The following CROCC2 variants were observed in gnomAD, a reference collection of about 807,000 sequenced individuals.
CROCC2 encodes ciliary rootlet coiled-coil protein 2.
Under a neutral mutation model 177.6 loss-of-function variants are expected in CROCC2, and 163 were observed. The ratio of observed to expected loss-of-function variants is 0.92; its 90% CI spans 0.81 to 1.05. CROCC2 has a LOEUF of 1.05. Ranked by LOEUF, CROCC2 falls within the 50% of genes least tolerant of loss-of-function variation. The pLI is 0.00. For missense variants in CROCC2, 1,929 were observed against 1,797.8 expected (o/e 1.07, Z -1.32); for synonymous variants, 904 against 787.3 (o/e 1.15, Z -2.48).
intron 5 of CROCC2, chr2:240,929,743 T>G: frequency 6.5e-6 from 3 of 461,602 alleles, no homozygotes; most frequent in Non-Finnish European, 1.3e-5. Flanking sequence ...TCCTCTTCCA[T>G]TGGAGTGGCA....
At chr2:240,938,780 T>A (rs2059482607) in intron 14 of CROCC2, among the ~76,000 whole-genome samples, 1 of 152,230 alleles carries the variant, frequency 6.6e-6, no homozygotes, top group South Asian at 2.1e-4. Context: ...TTCTTCCACA[T>A]CTTTGATTAG....
chr2:240,911,233 A>G (rs2059286221), intron 1 of CROCC2, among the ~76,000 whole-genome samples: 1 of 151,500 alleles, frequency 6.6e-6, no homozygotes, highest in Non-Finnish European at 1.5e-5. Flanking sequence ...TTTTAGGAAC[A>G]ATTCTGTGGC....
intron 30 of CROCC2, 79 bp downstream of exon 30, chr2:240,989,912 G>A: frequency 1.4e-6 from 2 of 1,379,330 alleles, no homozygotes; most frequent in Non-Finnish European, 1.9e-6. Context: ...CACCCAGTAG[G>A]GGTGACTTCT....
chr2:240,992,217 G>A (rs1286295820), intron 31 of CROCC2, among the ~76,000 whole-genome samples: 1 of 152,196 alleles, frequency 6.6e-6, no homozygotes, highest in Non-Finnish European at 1.5e-5. Flanking sequence ...AGGGCCGCAT[G>A]CTTTATAGGT....
chr2:240,913,665 AC>A, intron 1 of CROCC2, among the ~76,000 whole-genome samples: 1 of 152,378 alleles, frequency 6.6e-6, no homozygotes, highest in South Asian at 2.1e-4. Flanking sequence ...GCAAACTGAC[AC>A]CCACAGAGGC....
Position 240,982,871 on chromosome 2 carries a change from T to C in CROCC2, c.4402-9T>C, listed in dbSNP as rs1559191445. The C allele has an allele frequency of 6.5e-7, 1 of 1,544,080 alleles. No homozygotes were observed. Among genetic ancestry groups the C allele is most frequent in the East Asian group, 2.5e-5 (1 of 40,722 alleles). ...TCTCCAGGTGGACCCTGTGTCTCCT[T>C]CCCCCCAGGAGCAACTGGAAACGCT... On this transcript the variant is annotated splice_polypyrimidine_tract_variant and intron_variant, in intron 27 of 31. Transcript: ENST00000690015. This position sits in a 1 kb window ranked among gnomAD's most constrained non-coding sequence, Gnocchi z 4.7.
At position 240,946,134 on chromosome 2, in the gene CROCC2, T is replaced by C; in HGVS notation, c.2244T>C (p.Thr748=). 2 of 1,547,300 alleles carry C rather than the reference T, an allele frequency of 1.3e-6. No homozygotes were observed. Among genetic ancestry groups the C allele is most frequent in the Non-Finnish European group, 1.7e-6 (2 of 1,144,286 alleles). The change falls in exon 15 of 32, where the codon ACT becomes ACC. Residue 748 remains threonine, a synonymous_variant. Transcript: ENST00000690015. ...SLQDQEAQMG[T]LQQALQGKDA... is the part of the protein sequence containing the mutation. ...AGGACCAGGAGGCCCAGATGGGCACTCTGCAGCAAGCCCTGCAAGGAAAGG... is the reference window on the plus strand; with the variant it reads ...AGGACCAGGAGGCCCAGATGGGCACCCTGCAGCAAGCCCTGCAAGGAAAGG...
chr2:240,914,652 C>T (rs2059307745), intron 1 of CROCC2, among the ~76,000 whole-genome samples: 3 of 152,192 alleles, frequency 2.0e-5, no homozygotes, highest in Admixed American at 6.5e-5. Context: ...ACCCTTCACT[C>T]GGGGGTCCAC....
chr2:240,948,323 A>G (rs1051671972), intron 15 of CROCC2, among the ~76,000 whole-genome samples: 1 of 151,996 alleles, frequency 6.6e-6, no homozygotes, highest in Non-Finnish European at 1.5e-5. Flanking sequence ...CGGTGGCCAG[A>G]AAGATGGAAG....
intron 15 of CROCC2, among the ~76,000 whole-genome samples, chr2:240,946,662 T>C (rs531512502): frequency 2.6e-4 from 40 of 152,214 alleles, no homozygotes; most frequent in Non-Finnish European, 5.4e-4. Context: ...TGAGATCTTT[T>C]TCCCAGGCAG....
Position 240,982,837 on chromosome 2 carries a change from C to A in CROCC2, c.4402-43C>A, listed in dbSNP as rs955891324. 3 of 1,521,746 alleles carry A rather than the reference C, an allele frequency of 2.0e-6. No individual in the cohort carries two copies. Among genetic ancestry groups the A allele is most frequent in the African/African-American group, 1.4e-5 (1 of 72,390 alleles). The allele number at this position is 1,521,746 out of a possible 1,614,324, so 94.3% of individuals were successfully genotyped here. On this transcript the variant is annotated intron_variant, in intron 27 of 31. Transcript: ENST00000690015. This position sits in a 1 kb window ranked among gnomAD's most constrained non-coding sequence, Gnocchi z 4.7. ...CAGGGTTTCCCTGCAGGGCCTCCCA[C>A]CCCCAGTGTCTCCAGGTGGACCCTG...
chr2:240,964,746 A>G lies in CROCC2; in HGVS notation c.3465+121A>G, dbSNP rs560446675. The G allele has an allele frequency of 7.1e-6, 9 of 1,266,128 alleles. No individual in the cohort carries two copies. The African/African-American group carries it at 7.5e-5, about 11-fold the overall frequency. The allele number at this position is 1,266,128 out of a possible 1,614,324, so 78.4% of individuals were successfully genotyped here. A position where few individuals can be genotyped will look rare whatever the true frequency, so the allele number is the denominator to read the frequency against. On this transcript the variant is annotated intron_variant, in intron 22 of 31. Transcript: ENST00000690015. ...GCCGCCTTTGAACCACTCTGTCCCC[A>G]GACTTTGGGCCACGCCCTGCTCAGG...
Position 240,972,351 on chromosome 2 carries a change from G to A in CROCC2, c.4401+4089G>A, listed in dbSNP as rs530761698. On this transcript the variant is annotated intron_variant, in intron 27 of 31. Transcript: ENST00000690015. The surrounding 1 kb of genome is among the most constrained non-coding windows in gnomAD (Gnocchi z 7.1). ...CGGAGCTGTTCTGTTCCTGAAGTGG[G>A]CGGGGTGGGAGCGGCGCTCTCCGGT... Among the ~76,000 whole-genome samples the A allele has an allele frequency of 2.0e-5, 3 of 152,132 alleles. No individual in the cohort carries two copies. The highest frequency in any genetic ancestry group is 7.2e-5 in the African/African-American group (3 of 41,408).
At chr2:240,983,492 G>C (rs1420997817) in intron 28 of CROCC2, 3 of 1,241,962 alleles carry the variant, frequency 2.4e-6, no homozygotes, top group Non-Finnish European at 3.1e-6. Context: ...GGAGAGGCGC[G>C]TCCTGCAGGA....
In CROCC2 at chr2:240,990,570, G is replaced by GTGTTT. The variant is rs368000484; in HGVS notation, c.4864-600_4864-596dup. Among the ~76,000 whole-genome samples, 1,130 of 152,090 alleles carry GTGTTT rather than the reference G, an allele frequency of 7.4e-3. 7 individuals are homozygous for GTGTTT. Among genetic ancestry groups the GTGTTT allele is most frequent in the Middle Eastern group, 0.024 (7 of 294 alleles). ...TTTATTTATTTCCTTATCATTCTGA[G>GTGTTT]TGTTTTGTTTTGTTTTGTTTTGTTT... On this transcript the variant is annotated intron_variant, in intron 30 of 31. Transcript: ENST00000690015.
In CROCC2 at chr2:240,960,986, T is replaced by C. The variant is rs7591322; in HGVS notation, c.3087+1542T>C. 0.68 allele frequency among the ~76,000 whole-genome samples: 100,130 copies of C among 147,716 alleles called. 34,637 individuals carry two copies. The highest frequency in any genetic ancestry group is 0.81 in the African/African-American group (32,397 of 40,062). On this transcript the variant is annotated intron_variant, in intron 20 of 31. Transcript: ENST00000690015. The surrounding 1 kb of genome is among the most constrained non-coding windows in gnomAD (Gnocchi z 5.0). ...GTTCTGCTGGCCTCAAGGAAGGGAG[T>C]GCAGGCCTCATGGGAAGGTCAGGCT...
In CROCC2 at chr2:240,916,501, C is replaced by T. The variant is rs1261717436; in HGVS notation, c.79-2225C>T. Among the ~76,000 whole-genome samples, 11 of 107,338 alleles carry T rather than the reference C, an allele frequency of 1.0e-4. No homozygotes were observed. In the South Asian group the frequency reaches 2.5e-3, roughly 24 times the overall value. 70.4% of individuals were successfully genotyped at this position (107,338 alleles called of 152,430 possible). On this transcript the variant is annotated intron_variant, in intron 1 of 31. Transcript: ENST00000690015. Reference sequence around the variant, plus strand: ...CCCGCGCCCCCGCGCCCCCTGCGCTCCCCGCTCCCCCCGTGTCCCCCTGAA... The same window carrying T: ...CCCGCGCCCCCGCGCCCCCTGCGCTTCCCGCTCCCCCCGTGTCCCCCTGAA...
chr2:240,989,298 C>A (rs1249948669), intron 29 of CROCC2, among the ~76,000 whole-genome samples: 1 of 152,138 alleles, frequency 6.6e-6, no homozygotes, highest in Non-Finnish European at 1.5e-5. Flanking sequence ...ATTGGACATA[C>A]CCCCATCCTC....
At chr2:240,991,967 T>A (rs2059883040) in intron 31 of CROCC2, among the ~76,000 whole-genome samples, 1 of 152,080 alleles carries the variant, frequency 6.6e-6, no homozygotes, top group Non-Finnish European at 1.5e-5. Flanking sequence ...TGGAAGTGAC[T>A]CAGATTCAAG....
Sources: gnomAD v4.1 joint callset for allele counts (sites outside exome capture counted in the v4.1 genomes callset) on GRCh38, gnomAD v4.1.1 for gene constraint, Gnocchi (gnomAD v3.1) non-coding constraint, MANE v1.5 for transcripts, NCBI Gene and HGNC (gene_info 2026-07-23, HGNC 2026-07-21) for gene names.